The following CFAP20DC variants were observed in gnomAD, a reference collection of about 807,000 sequenced individuals.
CFAP20DC encodes the protein protein CFAP20DC.
Under a neutral mutation model 101.7 loss-of-function variants are expected in CFAP20DC, and 84 were observed. That is an observed-to-expected ratio of 0.83 (90% confidence interval 0.69 to 0.99). CFAP20DC has a LOEUF of 0.99. Ranked by LOEUF, CFAP20DC falls within the 50% of genes least tolerant of loss-of-function variation. CFAP20DC has a pLI of 0.00. For synonymous variants in CFAP20DC, 359 were observed against 351.2 expected (o/e 1.02, Z -0.25); for missense variants, 1,007 against 970.3 (o/e 1.04, Z -0.50).
chr3:59,039,205 G>A lies in CFAP20DC; in HGVS notation c.278+352C>T, dbSNP rs144355716. On this transcript the variant is annotated intron_variant, in intron 4 of 16. Coordinates refer to ENST00000482387, the MANE Select transcript of CFAP20DC (RefSeq NM_001394063.1). Reference sequence around the variant, plus strand: ...TTCAATCAATTTTTGACCAACCATAGTTTTGAATAGCAGACCGTACAAAAC... The same window carrying A: ...TTCAATCAATTTTTGACCAACCATAATTTTGAATAGCAGACCGTACAAAAC... Among the ~76,000 whole-genome samples the A allele has an allele frequency of 1.2e-3, 188 of 152,068 alleles. 1 individual carries two copies. Among genetic ancestry groups the A allele is most frequent in the African/African-American group, 4.2e-3 (176 of 41,528 alleles).
intron 7 of CFAP20DC, 124 bp downstream of exon 7, chr3:58,884,421 G>C (rs1371563179): frequency 8.3e-6 from 7 of 838,512 alleles, no homozygotes; most frequent in Non-Finnish European, 1.3e-5. Context: ...TATGTGGCAA[G>C]TATACTCTGT....
intron 5 of CFAP20DC, among the ~76,000 whole-genome samples, chr3:58,915,166 A>G (rs1178055613): frequency 2.0e-5 from 3 of 152,094 alleles, no homozygotes; most frequent in African/African-American, 7.2e-5. Context: ...GGGCGGGGGA[A>G]TGAGGCAGAA....
At chr3:58,720,496 T>C (rs1310379060) in intron 3 of CFAP20DC, among the ~76,000 whole-genome samples, 2 of 152,138 alleles carry the variant, frequency 1.3e-5, no homozygotes, top group South Asian at 2.1e-4. Flanking sequence ...CAGAGGCTTA[T>C]TAACTGCTCT....
At chr3:59,048,556 A>T (rs1391819780) in intron 1 of CFAP20DC, among the ~76,000 whole-genome samples, 1 of 152,152 alleles carries the variant, frequency 6.6e-6, no homozygotes, top group African/African-American at 2.4e-5. Context: ...TAGTGGGCAC[A>T]TGTTTTTTTG....
chr3:58,978,715 G>C (rs1290523021), intron 4 of CFAP20DC, among the ~76,000 whole-genome samples: 1 of 112,790 alleles, frequency 8.9e-6, no homozygotes, highest in Non-Finnish European at 1.7e-5. Flanking sequence ...CTCCCTGTCT[G>C]CAAAAAAAAA....
chr3:58,717,209 G>A (rs2067410228), downstream of CFAP20DC, among the ~76,000 whole-genome samples: 1 of 152,004 alleles, frequency 6.6e-6, no homozygotes, highest in Non-Finnish European at 1.5e-5. This position sits in a 1 kb window ranked among gnomAD's most constrained non-coding sequence, Gnocchi z 4.1. Context: ...ATTATAACAG[G>A]GCTGGAGGGT....
At chr3:59,022,440 A>G (rs1407377196) in intron 4 of CFAP20DC, among the ~76,000 whole-genome samples, 1 of 152,142 alleles carries the variant, frequency 6.6e-6, no homozygotes, top group Admixed American at 6.6e-5. Context: ...ATGCTAACAC[A>G]TTAGTTTCTA....
intron 12 of CFAP20DC, among the ~76,000 whole-genome samples, chr3:58,856,308 A>G (rs2078817782): frequency 7.5e-6 from 1 of 133,638 alleles, no homozygotes; most frequent in Non-Finnish European, 1.6e-5. Context: ...ACACACACAC[A>G]CACACATAAC....
At chr3:58,842,157 AG>A (rs1456962102) in intron 13 of CFAP20DC, among the ~76,000 whole-genome samples, 2 of 152,226 alleles carry the variant, frequency 1.3e-5, no homozygotes, top group Admixed American at 6.5e-5. Context: ...CAGTACTCGG[AG>A]GAGCCAAGAT....
chr3:58,988,491 C>T (rs2092825126), intron 4 of CFAP20DC, among the ~76,000 whole-genome samples: 1 of 152,158 alleles, frequency 6.6e-6, no homozygotes, highest in Non-Finnish European at 1.5e-5. Context: ...CTTCCATAAT[C>T]AGCAGAGCAT....
At chr3:58,905,978 C>T (rs906243882) in intron 6 of CFAP20DC, among the ~76,000 whole-genome samples, 1 of 152,082 alleles carries the variant, frequency 6.6e-6, no homozygotes, top group African/African-American at 2.4e-5. Flanking sequence ...GGAATATAAG[C>T]TCTGGAACCC....
At chr3:58,808,589 A>G (rs1210913878) in intron 14 of CFAP20DC, among the ~76,000 whole-genome samples, 4 of 152,226 alleles carry the variant, frequency 2.6e-5, no homozygotes, top group South Asian at 4.1e-4. Context: ...AGGACCAACC[A>G]GTACCAGCCA....
chr3:58,815,682 A>T (rs1486195190), intron 14 of CFAP20DC, among the ~76,000 whole-genome samples: 2 of 151,544 alleles, frequency 1.3e-5, no homozygotes, highest in East Asian at 3.9e-4. Flanking sequence ...AAACAACCCC[A>T]TCAAAAAGTG....
chr3:58,953,145 G>A (rs146290050), intron 4 of CFAP20DC, among the ~76,000 whole-genome samples: 2 of 152,156 alleles, frequency 1.3e-5, no homozygotes, highest in African/African-American at 4.8e-5. Context: ...TTTAAGCTGA[G>A]TTGAGCGAAG....
chr3:58,920,794 C>G (rs1455528072), intron 5 of CFAP20DC, among the ~76,000 whole-genome samples: 2 of 152,136 alleles, frequency 1.3e-5, no homozygotes, highest in Non-Finnish European at 2.9e-5. Context: ...ATCAATTACA[C>G]TGGCCTGATG....
chr3:58,829,235 C>T (rs2076236295), intron 14 of CFAP20DC, among the ~76,000 whole-genome samples: 1 of 151,110 alleles, frequency 6.6e-6, no homozygotes, highest in African/African-American at 2.4e-5. Context: ...TGCCTGTAAT[C>T]CCAGCTACTT....
At chr3:59,010,387 C>G (rs1411654375) in intron 4 of CFAP20DC, among the ~76,000 whole-genome samples, 1 of 151,866 alleles carries the variant, frequency 6.6e-6, no homozygotes, top group Non-Finnish European at 1.5e-5. Flanking sequence ...AAATGGAAAC[C>G]AAAAGCAAGC....
At chr3:58,880,740 A>G (rs569817983) in intron 7 of CFAP20DC, among the ~76,000 whole-genome samples, 2 of 152,290 alleles carry the variant, frequency 1.3e-5, no homozygotes, top group South Asian at 4.1e-4. Context: ...TATTCAACAG[A>G]TATTATTTCA....
At chr3:58,848,403 T>C (rs534662223) in intron 13 of CFAP20DC, among the ~76,000 whole-genome samples, 1 of 152,294 alleles carries the variant, frequency 6.6e-6, no homozygotes, top group African/African-American at 2.4e-5. Flanking sequence ...AAAAATGGAA[T>C]GTACATGTCA....
Sources: gnomAD v4.1 joint callset for allele counts (sites outside exome capture counted in the v4.1 genomes callset) on GRCh38, gnomAD v4.1.1 for gene constraint, Gnocchi (gnomAD v3.1) non-coding constraint, MANE v1.5 for transcripts, NCBI Gene and HGNC (gene_info 2026-07-23, HGNC 2026-07-21) for gene names.